Variants in PDZD7 observed in about 807,000 individuals in gnomAD.
PDZD7 encodes the protein PDZ domain containing 7.
Under a neutral mutation model 84.7 loss-of-function variants are expected in PDZD7, and 72 were observed. That is an observed-to-expected ratio of 0.85 (90% CI 0.70 to 1.03). PDZD7 has a LOEUF of 1.03. Among genes scored for constraint, PDZD7 ranks in the 50% least tolerant of loss-of-function variants. PDZD7 has a pLI of 0.00. For missense variants in PDZD7, 1,490 were observed against 1,412.9 expected (o/e 1.05, Z -0.87); for synonymous variants, 594 against 580.7 (o/e 1.02, Z -0.33).
At position 101,029,999 on chromosome 10, in the gene PDZD7, A is replaced by G; in HGVS notation, c.221T>C (p.Ile74Thr). 2.9e-6 allele frequency: 4 copies of G among 1,373,228 alleles called. No homozygotes were observed. The highest frequency in any genetic ancestry group is 2.9e-6 in the Non-Finnish European group (3 of 1,019,802). 85.1% of individuals were successfully genotyped at this position (1,373,228 alleles called of 1,614,324 possible). ...TGGCTGGGTCCCGCCCCTACCTTCG[A>G]TGGGGGAGTTGATGAGGATGACGCG... ...MGRVILINSPIEANSDESDII... is the reference protein window; with the variant it reads ...MGRVILINSPTEANSDESDII... The change falls in exon 2 of 17, where the codon ATC (isoleucine) becomes ACC (threonine). Residue 74 changes from isoleucine (I) to threonine (T), a missense_variant. Ile to Thr is a moderately conservative substitution (Grantham distance 89). Coordinates refer to ENST00000619208, the MANE Select transcript of PDZD7 (RefSeq NM_001195263.2).
At chr10:101,019,238 A>G in intron 7 of PDZD7, 21 bp from the exon 8 acceptor site, 3 of 1,535,268 alleles carry the variant, frequency 2.0e-6, no homozygotes, top group Non-Finnish European at 2.6e-6. Flanking sequence ...TAGAGAAGCC[A>G]GGGATCAGCG....
At chr10:101,021,496 A>G (rs565933694) in intron 6 of PDZD7, among the ~76,000 whole-genome samples, 1 of 152,080 alleles carries the variant, frequency 6.6e-6, no homozygotes, top group South Asian at 2.1e-4. Flanking sequence ...TGGGCAAGAC[A>G]TTTGTTCCTT....
chr10:101,009,065 CT>C (rs1852308340), intron 16 of PDZD7, among the ~76,000 whole-genome samples, 184 bp downstream of exon 16: 1 of 152,136 alleles, frequency 6.6e-6, no homozygotes, highest in African/African-American at 2.4e-5. Flanking sequence ...CAGGCTCAGG[CT>C]AGCATGAGGG....
intron 12 of PDZD7, 69 bp from the exon 13 acceptor site, chr10:101,012,085 T>G (rs1279958360): frequency 6.5e-7 from 1 of 1,539,730 alleles, no homozygotes; most frequent in Non-Finnish European, 8.8e-7. Context: ...GGTGCCAGGA[T>G]GCCCTTCAGC....
Position 101,030,121 on chromosome 10 carries a change from G to A in PDZD7, c.99C>T (p.Ser33=), listed in dbSNP as rs1938016940. 4 of 1,613,994 alleles carry A rather than the reference G, an allele frequency of 2.5e-6. No homozygotes were observed. Among genetic ancestry groups the A allele is most frequent in the Non-Finnish European group, 3.4e-6 (4 of 1,180,022 alleles). Residue 33 remains serine, a synonymous_variant, in exon 2 of 17, where the codon AGC becomes AGT. Transcript: ENST00000619208. ...ATCGCGTTGCGGTGGAGCCTGAGTC[G>A]CTGCCTAGGTGGCCTCGGGAGGAGA... The part of the protein sequence containing the change: ...SSLSSRGHLG[S]DSGSTATRYL...
Position 101,008,732 on chromosome 10 carries a change from A to G in PDZD7, c.2837T>C (p.Val946Ala). ...RNKAREPMEL[V>A]VRVPGPSPRP... ...TGGGCTGGGCCCGGGGACCCTGACC[A>G]CAAGCTCCATGGGCTCCCGGGCCTT... The change falls in exon 17 of 17, where the codon GTG becomes GCG. Residue 946 changes from valine to alanine, a missense_variant. By Grantham distance (64) the Val-to-Ala change is moderately conservative (BLOSUM62 0). Coordinates refer to ENST00000619208, the MANE Select transcript of PDZD7 (RefSeq NM_001195263.2). The G allele has an allele frequency of 1.3e-6, 2 of 1,535,950 alleles. No homozygotes were observed. Among genetic ancestry groups the G allele is most frequent in the Non-Finnish European group, 8.7e-7 (1 of 1,146,820 alleles).
In PDZD7 at chr10:101,020,931, C is replaced by T. The variant is rs1001381870; in HGVS notation, c.868-253G>A. ...CTTCCTGAATTACTCCATTCCATCT[C>T]TCTGTTAATTTCCTTAGAGCATTTG... On this transcript the variant is annotated intron_variant, in intron 6 of 16. Coordinates refer to ENST00000619208, the MANE Select transcript of PDZD7 (RefSeq NM_001195263.2). Among the ~76,000 whole-genome samples, 9 of 152,190 alleles carry T rather than the reference C, an allele frequency of 5.9e-5. 1 individual carries two copies. The highest frequency in any genetic ancestry group is 1.3e-4 in the Non-Finnish European group (9 of 68,024).
At chr10:101,018,361 G>T in intron 8 of PDZD7, 65 bp from the exon 9 acceptor site, 1 of 1,563,846 alleles carries the variant, frequency 6.4e-7, no homozygotes, top group Non-Finnish European at 8.8e-7. Flanking sequence ...CGAGGGGCAG[G>T]GGTGTGGGGA....
chr10:101,018,420 C>G (rs1237195058), intron 8 of PDZD7, 124 bp from the exon 9 acceptor site: 60 of 1,051,164 alleles, frequency 5.7e-5, no homozygotes, highest in Non-Finnish European at 7.4e-5. Flanking sequence ...TGCAGCTACG[C>G]CGGGGTGAGA....
intron 15 of PDZD7, 71 bp from the exon 16 acceptor site, chr10:101,009,421 A>G (rs1379035543): frequency 7.2e-6 from 9 of 1,249,682 alleles, no homozygotes; most frequent in Admixed American, 2.0e-5. Context: ...GGAGAAACCT[A>G]GAATCCCATC....
At chr10:101,025,222 T>TC (rs1300803245) in intron 2 of PDZD7, among the ~76,000 whole-genome samples, 5 of 152,140 alleles carry the variant, frequency 3.3e-5, no homozygotes, top group South Asian at 2.1e-4. Context: ...TTCTTTTTTT[T>TC]CCCCCGAGAC....
Position 101,010,711 on chromosome 10 carries a change from G to A in PDZD7, c.2178C>T (p.Thr726=). The change falls in exon 15 of 17, where the codon ACC becomes ACT. Residue 726 remains threonine (T), a synonymous_variant. Coordinates refer to ENST00000619208, the MANE Select transcript of PDZD7 (RefSeq NM_001195263.2). ...PLQDVPVDAF[T]PLRIACTPPP... is the part of the protein sequence containing the mutation. ...GGGGTGTGCAGGCAATTCGGAGGGG[G>A]GTGAAGGCATCTACTGGCACGTCTT... 7.5e-7 allele frequency: 1 copy of A among 1,328,690 alleles called. No homozygotes were observed. The highest frequency in any genetic ancestry group is 1.2e-5 in the South Asian group (1 of 81,452). 82.3% of individuals were successfully genotyped at this position (1,328,690 alleles called of 1,614,324 possible).
rs1852267845 is a variant in PDZD7, at chr10:101,007,875, A to AAC, written c.*591_*592insGT. 2.9e-4 allele frequency: 7 copies of AAC among 23,764 alleles called. No individual in the cohort carries two copies. The highest frequency in any genetic ancestry group is 2.0e-3 in the East Asian group (1 of 508). 1.5% of individuals were successfully genotyped at this position (23,764 alleles called of 1,614,324 possible). On this transcript the variant is annotated 3_prime_UTR_variant, in exon 17 of 17. Transcript: ENST00000619208. ...GATAAAGAGTACAGGAACTTGTTTGACCCCCCCCCCCCCACCATTTGCTGG... is the reference window on the plus strand; with the variant it reads ...GATAAAGAGTACAGGAACTTGTTTGAACCCCCCCCCCCCCCACCATTTGCTGG...
chr10:101,015,779 T>G lies in PDZD7; in HGVS notation c.1606A>C (p.Arg536=). The change falls in exon 11 of 17, where the codon AGG becomes CGG. Residue 536 remains arginine (R), a synonymous_variant. Coordinates refer to ENST00000619208, the MANE Select transcript of PDZD7 (RefSeq NM_001195263.2). ...AGCTGGCTGGAGGGACTCCCAGACC[T>G]GGCAGACAGCAGGGCCCGGCCCCTC... The part of the protein sequence containing the change: ...QERGRALLSA[R]SGSPSSQLPN... 2 of 1,549,542 alleles carry G rather than the reference T, an allele frequency of 1.3e-6. No individual in the cohort carries two copies. Among genetic ancestry groups the G allele is most frequent in the African/African-American group, 1.4e-5 (1 of 73,110 alleles).
intron 7 of PDZD7, among the ~76,000 whole-genome samples, chr10:101,019,569 TCCTCCTCCTCCTCCTCC>T (rs1852948245): frequency 1.5e-5 from 2 of 133,092 alleles, no homozygotes; most frequent in African/African-American, 3.1e-5. Flanking sequence ...CTCCTCCTCC[TCCTCCTCCTCCTCCTCC>T]TCTTCTTCTT....
Position 101,008,383 on chromosome 10 carries a change from A to G in PDZD7, c.*84T>C. ...AGGAGGCAGGGTGGGCAGGAGCTGG[A>G]GAGTCCTGAAGAAGTTGGTAGGAGA... On this transcript the variant is annotated 3_prime_UTR_variant, in exon 17 of 17. Coordinates refer to ENST00000619208, the MANE Select transcript of PDZD7 (RefSeq NM_001195263.2). 3.2e-5 allele frequency: 42 copies of G among 1,320,036 alleles called. No homozygotes were observed. Among genetic ancestry groups the G allele is most frequent in the Non-Finnish European group, 4.1e-5 (41 of 990,206 alleles). 81.8% of individuals were successfully genotyped at this position (1,320,036 alleles called of 1,614,324 possible). A position where few individuals can be genotyped will look rare whatever the true frequency, so the allele number is the denominator to read the frequency against.
Position 101,015,961 on chromosome 10 carries a change from C to T in PDZD7, c.1574-150G>A, listed in dbSNP as rs1055213343. On this transcript the variant is annotated intron_variant, in intron 10 of 16. Coordinates refer to ENST00000619208, the MANE Select transcript of PDZD7 (RefSeq NM_001195263.2). ...ACCATGGTAGCCCACAGCAACCTGCCCACCAATGCAGCACAAACCCCAGCC... is the reference window on the plus strand; with the variant it reads ...ACCATGGTAGCCCACAGCAACCTGCTCACCAATGCAGCACAAACCCCAGCC... The T allele has an allele frequency of 1.3e-4, 106 of 831,420 alleles. No homozygotes were observed. In the Middle Eastern group the frequency reaches 1.4e-3, roughly 11 times the overall value. The allele number at this position is 831,420 out of a possible 1,614,324, so 51.5% of individuals were successfully genotyped here. A position where few individuals can be genotyped will look rare whatever the true frequency, so the allele number is the denominator to read the frequency against.
intron 2 of PDZD7, 77 bp from the exon 3 acceptor site, chr10:101,024,145 C>T (rs1937585360): frequency 6.2e-7 from 1 of 1,607,336 alleles, no homozygotes; most frequent in Non-Finnish European, 8.5e-7. Context: ...CAACTTGGGG[C>T]CTGCAAAGGC....
At chr10:101,023,726 A>T in intron 3 of PDZD7, 116 bp from the exon 4 acceptor site, 1 of 1,458,776 alleles carries the variant, frequency 6.9e-7, no homozygotes, top group Non-Finnish European at 9.4e-7. Context: ...GAGGATTGTC[A>T]GAGCAGGGGC....
Sources: allele counts gnomAD v4.1 joint callset (sites outside exome capture counted in the v4.1 genomes callset), GRCh38; gene constraint gnomAD v4.1.1; transcripts MANE v1.5; gene names NCBI Gene and HGNC (gene_info 2026-07-23, HGNC 2026-07-21).